The following SPATC1 variants were observed in gnomAD, a reference collection of about 807,000 sequenced individuals.
SPATC1 encodes speriolin.
Under a neutral mutation model 36.5 loss-of-function variants are expected in SPATC1, and 35 were observed. That is an observed-to-expected ratio of 0.96 (90% confidence interval 0.73 to 1.27). The LOEUF is 1.27. Among genes scored for constraint, SPATC1 ranks in the 50% most tolerant of loss-of-function variants. The pLI is 0.00. For missense variants in SPATC1, 779 were observed against 796.0 expected (o/e 0.98, Z 0.26); for synonymous variants, 361 against 353.6 (o/e 1.02, Z -0.24).
Position 144,040,410 on chromosome 8 carries a change from G to A in SPATC1, c.713G>A (p.Gly238Asp). Residue 238 changes from glycine to aspartate, a missense_variant, in exon 2 of 5, where the codon GGC (glycine) becomes GAC (aspartate). Gly to Asp is a moderately conservative substitution (Grantham distance 94). Coordinates refer to ENST00000377470, the MANE Select transcript of SPATC1 (RefSeq NM_198572.3). ...RLRLAEPLRG[G>D]PTGPQSPACV... ...CGGCTGGCTGAGCCACTCCGCGGAG[G>A]CCCCACTGGGCCCCAGTCCCCAGCT... 2 of 1,609,818 alleles carry A rather than the reference G, an allele frequency of 1.2e-6. No homozygotes were observed. The highest frequency in any genetic ancestry group is 1.7e-6 in the Non-Finnish European group (2 of 1,178,712).
Position 144,046,863 on chromosome 8 carries a change from C to G in SPATC1, c.1683C>G (p.Thr561=), listed in dbSNP as rs782621987. The G allele has an allele frequency of 6.2e-7, 1 of 1,601,098 alleles. No homozygotes were observed. Among genetic ancestry groups the G allele is most frequent in the Admixed American group, 1.7e-5 (1 of 59,990 alleles). The change falls in exon 5 of 5, where the codon ACC becomes ACG. Residue 561 remains threonine (T), a synonymous_variant. Coordinates refer to ENST00000377470, the MANE Select transcript of SPATC1 (RefSeq NM_198572.3). The surrounding 1 kb of genome is among the most constrained non-coding windows in gnomAD (Gnocchi z 6.6). ...VDFLQRVVVE[T]VHPGMLADAL... is the part of the protein sequence containing the mutation. The stretch of plus-strand genomic sequence containing the variant: ...TCCTGCAGCGTGTGGTGGTGGAGAC[C>G]GTGCACCCCGGCATGCTCGCCGACG...
chr8:144,015,740 C>CAAAAAAA (rs374846456), intron 1 of SPATC1, among the ~76,000 whole-genome samples: 1 of 81,430 alleles, frequency 1.2e-5, no homozygotes, highest in East Asian at 4.5e-4. Context: ...GACTCTGTCT[C>CAAAAAAA]AAAAAAAAAA....
intron 4 of SPATC1, among the ~76,000 whole-genome samples, 172 bp downstream of exon 4, chr8:144,041,543 G>T (rs1004508899): frequency 6.6e-6 from 1 of 152,258 alleles, no homozygotes; most frequent in Non-Finnish European, 1.5e-5. Flanking sequence ...CTGGCAGTGG[G>T]AGCCCACGGT....
intron 1 of SPATC1, among the ~76,000 whole-genome samples, chr8:144,034,536 A>T (rs999384625): frequency 6.6e-6 from 1 of 152,134 alleles, no homozygotes; most frequent in East Asian, 1.9e-4. Flanking sequence ...ACATTTACAT[A>T]CACCCCTTAA....
intron 1 of SPATC1, 175 bp downstream of exon 1, chr8:144,012,901 G>GC: frequency 1.4e-6 from 1 of 721,562 alleles, no homozygotes; most frequent in South Asian, 1.8e-5. Context: ...GGAGGAGGCT[G>GC]CATTCCCTCC....
At chr8:144,044,798 C>CA (rs1469647420) in intron 4 of SPATC1, among the ~76,000 whole-genome samples, 3 of 151,844 alleles carry the variant, frequency 2.0e-5, no homozygotes, top group African/African-American at 7.2e-5. Context: ...AATACAAAAA[C>CA]ATTAGCTGGG....
chr8:144,039,804 T>A, intron 1 of SPATC1, 105 bp from the exon 2 acceptor site: 1 of 1,232,030 alleles, frequency 8.1e-7, no homozygotes, highest in South Asian at 1.4e-5. Flanking sequence ...CGGGGACAGA[T>A]GGGCACTATG....
Position 144,041,267 on chromosome 8 carries a change from GA to G in SPATC1, c.1343del (p.Glu448GlyfsTer38). On this transcript the variant is annotated frameshift_variant, in exon 4 of 5. Transcript: ENST00000377470. LOFTEE classifies it high-confidence loss of function. ...GCTGGCCTGGGAGAGGCTGGTGGGTGAGATTGCCTTCCAGCTGGACCGCAGG... is the reference window on the plus strand; with the variant it reads ...GCTGGCCTGGGAGAGGCTGGTGGGTGGATTGCCTTCCAGCTGGACCGCAGG... ...KQLAWERLVGEIAFQLDRRIL... is the reference protein window; with the variant it reads ...KQLAWERLVGXIAFQLDRRIL... 6.2e-7 allele frequency: 1 copy of G among 1,613,018 alleles called. No homozygotes were observed. Among genetic ancestry groups the G allele is most frequent in the Non-Finnish European group, 8.5e-7 (1 of 1,179,996 alleles).
intron 1 of SPATC1, among the ~76,000 whole-genome samples, chr8:144,035,962 C>T (rs948291115): frequency 1.3e-5 from 2 of 152,200 alleles, no homozygotes; most frequent in South Asian, 4.1e-4. Context: ...CCATCCTCCA[C>T]CTCAGCACAT....
intron 1 of SPATC1, 59 bp from the exon 2 acceptor site, chr8:144,039,850 C>G (rs1211869218): frequency 1.3e-6 from 2 of 1,551,964 alleles, no homozygotes; most frequent in Non-Finnish European, 1.8e-6. Context: ...CCTGTGACCA[C>G]CCTCGCCGTG....
At chr8:144,029,697 A>G (rs1400548308) in intron 1 of SPATC1, among the ~76,000 whole-genome samples, 1 of 152,238 alleles carries the variant, frequency 6.6e-6, no homozygotes, top group Admixed American at 6.5e-5. Flanking sequence ...TATGATTTCA[A>G]TATTTTAAAA....
intron 1 of SPATC1, among the ~76,000 whole-genome samples, chr8:144,025,645 C>T (rs1834662418): frequency 6.6e-6 from 1 of 152,164 alleles, no homozygotes; most frequent in Admixed American, 6.5e-5. Context: ...TGAGGACTCT[C>T]CCTCCACCCA....
At position 144,016,270 on chromosome 8, in the gene SPATC1, A is replaced by ATG. The variant is rs1363867085; in HGVS notation, c.211+3553_211+3554dup. Among the ~76,000 whole-genome samples, 4 of 151,908 alleles carry ATG rather than the reference A, an allele frequency of 2.6e-5. No homozygotes were observed. Among genetic ancestry groups the ATG allele is most frequent in the African/African-American group, 9.7e-5 (4 of 41,356 alleles). ...AGACTTCATCTCAAAAAAACAGTGCATGTGTGTGTGAGAGGATATGGTGTA... is the reference window on the plus strand; with the variant it reads ...AGACTTCATCTCAAAAAAACAGTGCATGTGTGTGTGTGAGAGGATATGGTGTA... On this transcript the variant is annotated intron_variant, in intron 1 of 4. Coordinates refer to ENST00000377470, the MANE Select transcript of SPATC1 (RefSeq NM_198572.3). This position sits in a 1 kb window ranked among gnomAD's most constrained non-coding sequence, Gnocchi z 4.5.
rs782696741 is a variant in SPATC1, at chr8:144,046,994, A to C, written c.*38A>C. 1 of 1,568,410 alleles carries C rather than the reference A, an allele frequency of 6.4e-7. No homozygotes were observed. The highest frequency in any genetic ancestry group is 8.6e-7 in the Non-Finnish European group (1 of 1,162,852). Reference sequence around the variant, plus strand: ...GAGGTCCAGGCTCGCTCAGCCCCACAGCCCTGTGCACGGCCATTAAAGCTT... The same window carrying C: ...GAGGTCCAGGCTCGCTCAGCCCCACCGCCCTGTGCACGGCCATTAAAGCTT... On this transcript the variant is annotated 3_prime_UTR_variant, in exon 5 of 5. Coordinates refer to ENST00000377470, the MANE Select transcript of SPATC1 (RefSeq NM_198572.3). This position sits in a 1 kb window ranked among gnomAD's most constrained non-coding sequence, Gnocchi z 6.6.
At position 144,040,217 on chromosome 8, in the gene SPATC1, C is replaced by T. The variant is rs781870852; in HGVS notation, c.520C>T (p.Pro174Ser). 4 of 1,612,812 alleles carry T rather than the reference C, an allele frequency of 2.5e-6. No individual in the cohort carries two copies. In the South Asian group the frequency reaches 4.4e-5, roughly 18 times the overall value. ...GACTCCCAGCAGCCTCGTGGCAGGC[C>T]CTGTGGCCATGTCCCAGAGCAGCCC... ...TLTPSSLVAG[P>S]VAMSQSSPLI... is the part of the protein sequence containing the mutation. The change falls in exon 2 of 5, where the codon CCT becomes TCT. Residue 174 changes from proline to serine, a missense_variant. Transcript: ENST00000377470.
chr8:144,029,008 C>A (rs1428692982), intron 1 of SPATC1, among the ~76,000 whole-genome samples: 1 of 151,798 alleles, frequency 6.6e-6, no homozygotes, highest in Non-Finnish European at 1.5e-5. Context: ...ACAATGAGAA[C>A]ACATGGACAC....
At chr8:144,034,722 A>C (rs1429758251) in intron 1 of SPATC1, among the ~76,000 whole-genome samples, 2 of 152,108 alleles carry the variant, frequency 1.3e-5, no homozygotes, top group East Asian at 3.9e-4. Flanking sequence ...CCAGGGTTCA[A>C]GCGATTCTCC....
chr8:144,012,109 T>C (rs1834290540), upstream of SPATC1, among the ~76,000 whole-genome samples: 1 of 152,154 alleles, frequency 6.6e-6, no homozygotes, highest in Admixed American at 6.5e-5. Flanking sequence ...GTAAAGCCAG[T>C]GGACAATGTT....
intron 1 of SPATC1, 43 bp from the exon 2 acceptor site, chr8:144,039,866 G>A (rs782719690): frequency 3.4e-5 from 54 of 1,581,776 alleles, no homozygotes; most frequent in East Asian, 2.5e-4. Flanking sequence ...CCGTGGTCTG[G>A]AGGGGCTCCC....
Sources: gnomAD v4.1 joint callset for allele counts (sites outside exome capture counted in the v4.1 genomes callset) on GRCh38, gnomAD v4.1.1 for gene constraint, Gnocchi (gnomAD v3.1) non-coding constraint, MANE v1.5 for transcripts, NCBI Gene and HGNC (gene_info 2026-07-23, HGNC 2026-07-21) for gene names.